The following TNS3 variants were observed in gnomAD, a reference collection of about 807,000 sequenced individuals.
TNS3 encodes the protein tensin 3.
A neutral mutation model predicts 140.9 loss-of-function variants in TNS3; 45 were observed. The observed-to-expected ratio is 0.32, with a 90% CI of 0.25 to 0.41. The LOEUF (loss-of-function observed/expected upper bound fraction) is 0.41. TNS3 is among the 10% of genes least tolerant of loss of function. The probability of loss-of-function intolerance (pLI) is 1.00; values close to 1 mark genes in which losing one functional copy is unlikely to be tolerated. For missense variants in TNS3, 1,716 were observed against 1,906.7 expected (o/e 0.90, Z 1.86); for synonymous variants, 815 against 788.4 (o/e 1.03, Z -0.56).
intron 16 of TNS3, among the ~76,000 whole-genome samples, chr7:47,385,741 G>A (rs1792036729): frequency 1.3e-5 from 2 of 152,146 alleles, no homozygotes; most frequent in Admixed American, 6.5e-5. Flanking sequence ...CCCACCCTCA[G>A]GAAAGCACCC....
chr7:47,540,476 G>A (rs961712693), intron 1 of TNS3, among the ~76,000 whole-genome samples: 8 of 152,284 alleles, frequency 5.3e-5, no homozygotes, highest in African/African-American at 1.4e-4. Flanking sequence ...ACTCGTGCCC[G>A]TTTTGTCACT....
chr7:47,525,306 A>T (rs1253492710), intron 2 of TNS3, among the ~76,000 whole-genome samples: 3 of 152,198 alleles, frequency 2.0e-5, no homozygotes, highest in Non-Finnish European at 2.9e-5. Flanking sequence ...AGAAACCAGT[A>T]GATGGGCCAC....
intron 20 of TNS3, among the ~76,000 whole-genome samples, chr7:47,337,805 C>T (rs781306647): frequency 6.6e-6 from 1 of 152,230 alleles, no homozygotes; most frequent in Non-Finnish European, 1.5e-5. Flanking sequence ...CCTTCCCGAC[C>T]TCTTACTCCA....
intron 3 of TNS3, among the ~76,000 whole-genome samples, chr7:47,505,164 G>A (rs147567945): frequency 0.025 from 3,820 of 152,136 alleles, 62 homozygotes; most frequent in South Asian, 0.063. Flanking sequence ...CAAGCAATGC[G>A]GACAAAGGCA....
chr7:47,577,001 C>G (rs1369336135), intron 1 of TNS3, among the ~76,000 whole-genome samples: 1 of 152,336 alleles, frequency 6.6e-6, no homozygotes, highest in Non-Finnish European at 1.5e-5. Context: ...ACGAATTGGT[C>G]TCTACTTTTC....
Position 47,277,714 on chromosome 7 carries a change from T to C in TNS3, c.*362A>G, listed in dbSNP as rs1784929044. On this transcript the variant is annotated 3_prime_UTR_variant, in exon 31 of 31. Coordinates refer to ENST00000311160, the MANE Select transcript of TNS3 (RefSeq NM_022748.12). ...CACCTCTGCCTCAAGGGCTGGGGAT[T>C]CCTCATCCCCCGGAATGCTAGTGTG... 6.0e-6 allele frequency: 2 copies of C among 331,674 alleles called. No individual in the cohort carries two copies. Among genetic ancestry groups the C allele is most frequent in the Non-Finnish European group, 1.2e-5 (2 of 172,866 alleles). 20.5% of individuals were successfully genotyped at this position (331,674 alleles called of 1,614,324 possible).
intron 2 of TNS3, among the ~76,000 whole-genome samples, chr7:47,510,577 A>T (rs4724583): frequency 0.16 from 23,671 of 152,206 alleles, 2,264 homozygotes; most frequent in East Asian, 0.3. Flanking sequence ...TAGAATTTTA[A>T]AAGACTAGTA....
intron 25 of TNS3, 61 bp from the exon 26 acceptor site, chr7:47,292,966 C>G: frequency 6.9e-7 from 1 of 1,457,586 alleles, no homozygotes; most frequent in Non-Finnish European, 9.6e-7. Flanking sequence ...GTGTGCTCAG[C>G]CAATTTATCA....
chr7:47,383,027 A>C (rs1480903958), intron 16 of TNS3, among the ~76,000 whole-genome samples: 1 of 152,216 alleles, frequency 6.6e-6, no homozygotes. Context: ...AACCAATTAG[A>C]AGGATGAGAA....
At chr7:47,326,890 C>T (rs1788051819) in intron 20 of TNS3, among the ~76,000 whole-genome samples, 1 of 152,188 alleles carries the variant, frequency 6.6e-6, no homozygotes, top group Non-Finnish European at 1.5e-5. Flanking sequence ...GACCTTGAGC[C>T]ACTTGGGCTT....
At position 47,302,923 on chromosome 7, in the gene TNS3, C is replaced by A. The variant is rs746031909; in HGVS notation, c.3457+27G>T. The A allele has an allele frequency of 4.5e-6, 7 of 1,570,294 alleles. No individual in the cohort carries two copies. The South Asian group carries it at 8.4e-5, about 19-fold the overall frequency. On this transcript the variant is annotated intron_variant, in intron 22 of 30. Coordinates refer to ENST00000311160, the MANE Select transcript of TNS3 (RefSeq NM_022748.12). ...TCCCCAGTGAATGGACAGAGGGGCC[C>A]TTCCAACCAGCTGGAAACACACCTA... is the stretch of plus-strand genomic sequence containing the variant.
chr7:47,351,040 T>C (rs1584459861), intron 17 of TNS3, among the ~76,000 whole-genome samples: 1 of 152,226 alleles, frequency 6.6e-6, no homozygotes, highest in East Asian at 1.9e-4. Flanking sequence ...CGGAAATGTT[T>C]CTATCTTTCA....
At chr7:47,320,261 G>C (rs1787655507) in intron 20 of TNS3, among the ~76,000 whole-genome samples, 1 of 152,134 alleles carries the variant, frequency 6.6e-6, no homozygotes, top group African/African-American at 2.4e-5. Context: ...ACCTGCACCT[G>C]GAGGGAAACA....
chr7:47,377,742 C>CCTTTCCTCCTCCTTCTCCTCCTCA (rs1282918247), intron 16 of TNS3, among the ~76,000 whole-genome samples: 3 of 150,986 alleles, frequency 2.0e-5, no homozygotes, highest in Admixed American at 6.6e-5. Flanking sequence ...TCTCCTCCTC[C>CCTTTCCTCCTCCTTCTCCTCCTCA]CTTTCCTCTT....
chr7:47,409,700 C>CA (rs1439954770), intron 13 of TNS3, among the ~76,000 whole-genome samples: 2 of 152,132 alleles, frequency 1.3e-5, no homozygotes, highest in Admixed American at 1.3e-4. Flanking sequence ...CTCTGTCGCC[C>CA]AGGCTGGAGT....
At chr7:47,420,897 C>T (rs552538487) in intron 10 of TNS3, among the ~76,000 whole-genome samples, 2 of 152,318 alleles carry the variant, frequency 1.3e-5, no homozygotes, top group Non-Finnish European at 2.9e-5. Context: ...ACCAGTAACA[C>T]TATATAGGAT....
intron 3 of TNS3, 116 bp downstream of exon 3, chr7:47,506,791 T>C (rs1266989919): frequency 2.7e-6 from 2 of 753,376 alleles, no homozygotes; most frequent in South Asian, 1.6e-5. Context: ...AGCCCTGGCT[T>C]TCCTAAAGAG....
chr7:47,565,234 A>T (rs4236389), intron 1 of TNS3, among the ~76,000 whole-genome samples: 148,842 of 151,744 alleles, frequency 0.98, 73,054 homozygotes, highest in East Asian at 1. Flanking sequence ...CCCACCACCA[A>T]GCCCGGCTAA....
intron 2 of TNS3, among the ~76,000 whole-genome samples, chr7:47,508,526 C>T (rs1798497075): frequency 6.6e-6 from 1 of 152,190 alleles, no homozygotes; most frequent in Admixed American, 6.5e-5. Flanking sequence ...GGTGGGCAGG[C>T]CTCTGGCCTC....
Sources: allele counts gnomAD v4.1 joint callset (sites outside exome capture counted in the v4.1 genomes callset), GRCh38; gene constraint gnomAD v4.1.1; transcripts MANE v1.5; gene names NCBI Gene and HGNC (gene_info 2026-07-23, HGNC 2026-07-21).